The following CELF5 variants were observed in gnomAD, a reference collection of about 807,000 sequenced individuals.
CELF5 encodes the protein CUGBP Elav-like family member 5.
CELF5 carries 6 observed loss-of-function variants against 54.9 expected under a neutral mutation model. The observed-to-expected ratio is 0.11, with a 90% CI of 0.06 to 0.22. The LOEUF is 0.22. Ranked by LOEUF, CELF5 falls within the 10% of genes least tolerant of loss-of-function variation. CELF5 has a pLI of 1.00. For missense variants in CELF5, 401 were observed against 678.6 expected (o/e 0.59, Z 4.54); for synonymous variants, 271 against 290.9 (o/e 0.93, Z 0.70).
At chr19:3,238,881 C>T (rs1369364366) in intron 1 of CELF5, among the ~76,000 whole-genome samples, 1 of 152,124 alleles carries the variant, frequency 6.6e-6, no homozygotes, top group East Asian at 1.9e-4. Context: ...GAGCCAAGAT[C>T]ACACCATTGC....
intron 5 of CELF5, among the ~76,000 whole-genome samples, chr19:3,280,037 T>C (rs1005619668): frequency 6.6e-6 from 1 of 152,160 alleles, no homozygotes; most frequent in Non-Finnish European, 1.5e-5. Flanking sequence ...TCAGGACCTG[T>C]TGCAGCATCC....
At chr19:3,295,113 A>T (rs78516974) in intron 12 of CELF5, 1 of 152,176 alleles carries the variant, frequency 6.6e-6, no homozygotes, top group African/African-American at 2.4e-5. Flanking sequence ...ATAAATTCCA[A>T]CCGTTCTTTG....
At chr19:3,226,231 C>G (rs922582374) in intron 1 of CELF5, among the ~76,000 whole-genome samples, 6 of 151,464 alleles carry the variant, frequency 4.0e-5, no homozygotes, top group African/African-American at 1.2e-4. Flanking sequence ...GCTGCGTGCC[C>G]GGTAAGCATG....
chr19:3,274,027 G>T (rs2080008231), intron 3 of CELF5, 104 bp downstream of exon 3: 1 of 1,207,066 alleles, frequency 8.3e-7, no homozygotes, highest in Non-Finnish European at 1.2e-6. Flanking sequence ...AGTGGCCGAG[G>T]CCTGTGGATC....
chr19:3,267,670 C>T (rs1296530283), intron 2 of CELF5, among the ~76,000 whole-genome samples: 3 of 152,188 alleles, frequency 2.0e-5, no homozygotes, highest in Non-Finnish European at 4.4e-5. Flanking sequence ...GAGGTACATC[C>T]CAGCACCCTC....
At chr19:3,290,477 A>C in intron 11 of CELF5, 103 bp downstream of exon 11, 1 of 1,287,414 alleles carries the variant, frequency 7.8e-7, no homozygotes, top group Non-Finnish European at 1.1e-6. Context: ...GCTGTGCTGA[A>C]ATAATCACAA....
Position 3,251,064 on chromosome 19 carries a change from C to G in CELF5, c.339C>G (p.Pro113=), listed in dbSNP as rs369196004. The G allele has an allele frequency of 1.9e-6, 3 of 1,612,744 alleles. No individual in the cohort carries two copies. The highest frequency in any genetic ancestry group is 4.5e-5 in the East Asian group (2 of 44,846). The change falls in exon 2 of 13, where the codon CCC becomes CCG. Residue 113 remains proline, a synonymous_variant. Transcript: ENST00000292672. The part of the protein sequence containing the change: ...QTALHEQKTL[P]GMARPIQVKP... ...CCCTGCACGAGCAGAAGACCTTGCC[C>G]GGAGTGAGTCCTGTGTGGTGTCTGG... is the stretch of plus-strand genomic sequence containing the variant.
chr19:3,265,341 G>A (rs1367729414), intron 2 of CELF5, among the ~76,000 whole-genome samples: 1 of 152,100 alleles, frequency 6.6e-6, no homozygotes, highest in African/African-American at 2.4e-5. Context: ...CTTCACCTGG[G>A]AAAGAATTCA....
chr19:3,272,317 C>T (rs575450284), intron 2 of CELF5, among the ~76,000 whole-genome samples: 7 of 151,056 alleles, frequency 4.6e-5, no homozygotes, highest in South Asian at 4.2e-4. Flanking sequence ...TGCAGTAAGC[C>T]GAGATCACGT....
intron 1 of CELF5, among the ~76,000 whole-genome samples, chr19:3,244,486 G>A (rs1317074116): frequency 6.7e-6 from 1 of 149,282 alleles, no homozygotes; most frequent in Non-Finnish European, 1.5e-5. Flanking sequence ...ATCTGTGTGT[G>A]CGGTGTGCAT....
chr19:3,265,501 T>C (rs892541083), intron 2 of CELF5, among the ~76,000 whole-genome samples: 2 of 152,170 alleles, frequency 1.3e-5, no homozygotes, highest in Non-Finnish European at 2.9e-5. Flanking sequence ...TTGTACCCAC[T>C]TGGTTTTGTT....
At chr19:3,257,474 T>G (rs10409637) in intron 2 of CELF5, among the ~76,000 whole-genome samples, 2 of 151,686 alleles carry the variant, frequency 1.3e-5, no homozygotes, top group African/African-American at 4.9e-5. Flanking sequence ...TATTATTATT[T>G]ATTATTATTA....
intron 2 of CELF5, among the ~76,000 whole-genome samples, chr19:3,262,932 C>T (rs576420163): frequency 2.1e-4 from 32 of 150,332 alleles, no homozygotes; most frequent in African/African-American, 7.6e-4. Flanking sequence ...GAGTGAGACT[C>T]TGTCTCAAAA....
chr19:3,227,399 A>ATTAG lies in CELF5; in HGVS notation c.259+2402_259+2405dup, dbSNP rs537879679. Among the ~76,000 whole-genome samples, 469 of 152,220 alleles carry ATTAG rather than the reference A, an allele frequency of 3.1e-3. 2 individuals carry two copies. Among genetic ancestry groups the ATTAG allele is most frequent in the Non-Finnish European group, 5.3e-3 (361 of 68,008 alleles). On this transcript the variant is annotated intron_variant, in intron 1 of 12. Transcript: ENST00000292672. ...AGACACCTGCCACCAACATGACCTT[A>ATTAG]TTAGGGCTGTTTCTGGGAGCCCTGG... is the stretch of plus-strand genomic sequence containing the variant.
intron 10 of CELF5, among the ~76,000 whole-genome samples, chr19:3,288,523 AAAACAAAC>A (rs529882719): frequency 2.0e-5 from 3 of 150,340 alleles, no homozygotes; most frequent in Non-Finnish European, 3.0e-5. Flanking sequence ...ACTCCATCTC[AAAACAAAC>A]AAACAAACAA....
At chr19:3,240,171 CA>C (rs2079471885) in intron 1 of CELF5, among the ~76,000 whole-genome samples, 1 of 151,960 alleles carries the variant, frequency 6.6e-6, no homozygotes, top group South Asian at 2.1e-4. Flanking sequence ...TGCACGCCAC[CA>C]CACCTAGCCA....
chr19:3,247,125 GC>G (rs2079578054), intron 1 of CELF5, among the ~76,000 whole-genome samples: 1 of 151,978 alleles, frequency 6.6e-6, no homozygotes, highest in Non-Finnish European at 1.5e-5. Context: ...CATGGTGGCT[GC>G]CACTTTTTAC....
chr19:3,227,058 G>A (rs994596272), intron 1 of CELF5, among the ~76,000 whole-genome samples: 7 of 152,234 alleles, frequency 4.6e-5, no homozygotes, highest in African/African-American at 1.4e-4. Flanking sequence ...CTTTTTAGGG[G>A]TCCCAGGTCC....
At position 3,284,994 on chromosome 19, in the gene CELF5, G is replaced by A. The variant is rs757308475; in HGVS notation, c.1102+30G>A. ...GAGGCAGCCCGCGTGCCCGCGCTGG[G>A]CCCTGGCCCCGCCCCCGCCTAGGGC... On this transcript the variant is annotated intron_variant, in intron 9 of 12. Coordinates refer to ENST00000292672, the MANE Select transcript of CELF5 (RefSeq NM_021938.4). The A allele has an allele frequency of 4.7e-6, 7 of 1,487,354 alleles. No individual in the cohort carries two copies. In the Admixed American group the frequency reaches 1.1e-4, roughly 23 times the overall value. 92.1% of individuals were successfully genotyped at this position (1,487,354 alleles called of 1,614,324 possible).
Sources: gnomAD v4.1 joint callset for allele counts (sites outside exome capture counted in the v4.1 genomes callset) on GRCh38, gnomAD v4.1.1 for gene constraint, MANE v1.5 for transcripts, NCBI Gene and HGNC (gene_info 2026-07-23, HGNC 2026-07-21) for gene names.